KDM4C: variants seen among roughly 807,000 people sequenced by gnomAD.
The protein encoded by KDM4C is lysine demethylase 4C, also known as lysine-specific demethylase 4C.
A neutral mutation model predicts 129.3 loss-of-function variants in KDM4C; 81 were observed. The observed-to-expected ratio is 0.63, with a 90% CI of 0.52 to 0.75. KDM4C has a LOEUF of 0.75. KDM4C is among the 30% of genes least tolerant of loss of function. The pLI, the probability that KDM4C is intolerant of heterozygous loss-of-function variation, is 0.00. For synonymous variants in KDM4C, 573 were observed against 456.1 expected, an observed-to-expected ratio of 1.26 and a Z score of -3.26; for missense variants, 1,457 against 1,304.0, an observed-to-expected ratio of 1.12 and a Z score of -1.81.
At chr9:6,820,507 C>T (rs182736720) in intron 4 of KDM4C, among the ~76,000 whole-genome samples, 327 of 152,228 alleles carry the variant, frequency 2.1e-3, no homozygotes, top group Non-Finnish European at 3.6e-3. Context: ...CTGCTTTGTT[C>T]CAGAGTCTGA....
At chr9:7,106,695 A>G (rs1237306662) in intron 18 of KDM4C, among the ~76,000 whole-genome samples, 1 of 152,106 alleles carries the variant, frequency 6.6e-6, no homozygotes, top group African/African-American at 2.4e-5. Context: ...AGTTCTCATT[A>G]TGTTGTACAG....
intron 5 of KDM4C, among the ~76,000 whole-genome samples, chr9:6,866,330 G>A (rs759227691): frequency 6.6e-6 from 1 of 151,876 alleles, no homozygotes; most frequent in South Asian, 2.1e-4. Context: ...TTTGGTTCCA[G>A]ATGGTGCCTT....
intron 4 of KDM4C, chr9:6,835,026 C>T: frequency 1.1e-6 from 1 of 945,940 alleles, no homozygotes; most frequent in Non-Finnish European, 1.7e-6. Context: ...TCATGAAGAT[C>T]CTTACCGAGC....
At position 7,156,147 on chromosome 9, in the gene KDM4C, G is replaced by A. The variant is rs546196865; in HGVS notation, c.2782-9091G>A. Among the ~76,000 whole-genome samples, 18 of 152,272 alleles carry A rather than the reference G, an allele frequency of 1.2e-4. No homozygotes were observed. In the East Asian group the frequency reaches 2.1e-3, roughly 18 times the overall value. ...TTTCATGTGTCTGTTGGCTGCATAA[G>A]TGTCTTCTTTTGAGAAGGGTCTGTT... On this transcript the variant is annotated intron_variant, in intron 19 of 21. Transcript: ENST00000381309.
At chr9:7,098,777 T>C (rs1331986126) in intron 17 of KDM4C, among the ~76,000 whole-genome samples, 1 of 152,240 alleles carries the variant, frequency 6.6e-6, no homozygotes, top group Non-Finnish European at 1.5e-5. Context: ...CTGCATTTTA[T>C]TGTGGCTAGA....
At chr9:7,125,050 C>T (rs1839892293) in intron 18 of KDM4C, among the ~76,000 whole-genome samples, 1 of 152,134 alleles carries the variant, frequency 6.6e-6, no homozygotes, top group Admixed American at 6.5e-5. Context: ...CTAAACCCCT[C>T]AGTGGCTTCC....
In KDM4C at chr9:6,984,287, A is replaced by G. The variant is rs1817297343; in HGVS notation, c.1237A>G (p.Ser413Gly). ...CTCAGTCACAGATGACCTCAAGGTC[A>G]GTGAAAAGTCAGAAGCAGCAGTGAA... ...PDSVTDDLKV[S>G]EKSEAAVKLR... The change falls in exon 10 of 22, where the codon AGT becomes GGT. Residue 413 changes from serine (S) to glycine (G), a missense_variant. By Grantham distance (56) the Ser-to-Gly change is moderately conservative (BLOSUM62 0). Coordinates refer to ENST00000381309, the MANE Select transcript of KDM4C (RefSeq NM_015061.6). The G allele has an allele frequency of 6.2e-7, 1 of 1,614,080 alleles. No homozygotes were observed.
At chr9:6,946,742 G>T (rs1039976922) in intron 8 of KDM4C, among the ~76,000 whole-genome samples, 2 of 152,040 alleles carry the variant, frequency 1.3e-5, no homozygotes, top group African/African-American at 2.4e-5. Flanking sequence ...AGTTCATTAT[G>T]AATTTTCTTT....
At chr9:7,112,092 A>G (rs780681557) in intron 18 of KDM4C, among the ~76,000 whole-genome samples, 18 of 152,076 alleles carry the variant, frequency 1.2e-4, no homozygotes, top group Non-Finnish European at 2.4e-4. Flanking sequence ...GAGATCAGGC[A>G]GGAGAGGCTA....
intron 17 of KDM4C, among the ~76,000 whole-genome samples, chr9:7,080,178 G>A (rs1323425768): frequency 6.6e-6 from 1 of 152,198 alleles, no homozygotes; most frequent in Non-Finnish European, 1.5e-5. Flanking sequence ...ACTGGTAGGA[G>A]CACAGCCACA....
intron 4 of KDM4C, among the ~76,000 whole-genome samples, chr9:6,818,088 C>G (rs1832452197): frequency 6.6e-6 from 1 of 152,080 alleles, no homozygotes; most frequent in African/African-American, 2.4e-5. Context: ...TTTATGATTT[C>G]CTTTTGGTCT....
chr9:7,170,680 G>T, intron 21 of KDM4C: 1 of 972,950 alleles, frequency 1.0e-6, no homozygotes, highest in Non-Finnish European at 1.2e-6. Context: ...AATTTGAATG[G>T]ATGGGGTTTT....
In KDM4C at chr9:7,149,166, T is replaced by C. The variant is rs57143172; in HGVS notation, c.2782-16072T>C. On this transcript the variant is annotated intron_variant, in intron 19 of 21. Transcript: ENST00000381309. Reference sequence around the variant, plus strand: ...CTCCCGTGCTCCTCAGCACCCAAAATGTCAGCCTCAGAACTAGTTTCTGGA... The same window carrying C: ...CTCCCGTGCTCCTCAGCACCCAAAACGTCAGCCTCAGAACTAGTTTCTGGA... Among the ~76,000 whole-genome samples the C allele has an allele frequency of 7.3e-3, 1,115 of 152,312 alleles. 8 individuals are homozygous for C. Among genetic ancestry groups the C allele is most frequent in the African/African-American group, 0.025 (1,056 of 41,574 alleles).
intron 18 of KDM4C, among the ~76,000 whole-genome samples, chr9:7,112,473 A>C (rs1051108902): frequency 1.3e-5 from 2 of 152,172 alleles, no homozygotes; most frequent in Non-Finnish European, 2.9e-5. Flanking sequence ...CTTGATTATG[A>C]GGACACTTTG....
At chr9:6,757,884 G>C, upstream of KDM4C, 7 of 985,526 alleles carry the variant, frequency 7.1e-6, no homozygotes, top group Non-Finnish European at 6.0e-6. Flanking sequence ...AGAGCGTGCC[G>C]GGCACCTTTA....
At chr9:7,134,575 A>C (rs1275278264) in intron 19 of KDM4C, among the ~76,000 whole-genome samples, 1 of 152,254 alleles carries the variant, frequency 6.6e-6, no homozygotes, top group Non-Finnish European at 1.5e-5. Context: ...ATCAGACATT[A>C]GTTAGCTTGA....
chr9:6,844,573 G>C (rs537248245), intron 4 of KDM4C, among the ~76,000 whole-genome samples: 1 of 152,230 alleles, frequency 6.6e-6, no homozygotes, highest in African/African-American at 2.4e-5. Flanking sequence ...AGAGTTAAAC[G>C]AAGTTACACA....
chr9:6,970,814 C>T (rs1312400520), intron 8 of KDM4C, among the ~76,000 whole-genome samples: 3 of 140,796 alleles, frequency 2.1e-5, no homozygotes, highest in Non-Finnish European at 4.6e-5. Context: ...CTAACCCCCA[C>T]CCCGGTCTCA....
In KDM4C at chr9:6,922,598, T is replaced by C. The variant is rs114439406; in HGVS notation, c.921+29366T>C. 8.6e-3 allele frequency among the ~76,000 whole-genome samples: 1,312 copies of C among 152,272 alleles called. 15 individuals carry two copies. Among genetic ancestry groups the C allele is most frequent in the African/African-American group, 0.03 (1,240 of 41,558 alleles). ...CCCATCTCTACCAAAAATACAAAAA[T>C]TAGTTGAATGTGGTGGCCCGTGCCT... On this transcript the variant is annotated intron_variant, in intron 8 of 21. Coordinates refer to ENST00000381309, the MANE Select transcript of KDM4C (RefSeq NM_015061.6).
Sources: allele counts gnomAD v4.1 joint callset (sites outside exome capture counted in the v4.1 genomes callset), GRCh38; gene constraint gnomAD v4.1.1; transcripts MANE v1.5; gene names NCBI Gene and HGNC (gene_info 2026-07-23, HGNC 2026-07-21).